The following ELFN2 variants were observed in gnomAD, a reference collection of about 807,000 sequenced individuals.
ELFN2 encodes the protein protein phosphatase 1 regulatory subunit 29.
Under a neutral mutation model 45.5 loss-of-function variants are expected in ELFN2, and 17 were observed. That is an observed-to-expected ratio of 0.37 (90% CI 0.26 to 0.56). ELFN2 has a LOEUF of 0.56. Among genes scored for constraint, ELFN2 ranks in the 20% least tolerant of loss-of-function variants. The pLI, the probability that ELFN2 is intolerant of heterozygous loss-of-function variation, is 0.77. For missense variants in ELFN2, 922 were observed against 1,183.2 expected (o/e 0.78, Z 3.24); for synonymous variants, 550 against 551.5 (o/e 1.00, Z 0.04).
At chr22:37,342,790 G>C (rs924632507) in intron 1 of ELFN2, 1 of 151,076 alleles carries the variant, frequency 6.6e-6, no homozygotes, top group Non-Finnish European at 1.5e-5. Context: ...GGGGAGCAAG[G>C]TGTGGGTGGG....
chr22:37,384,394 G>A (rs1275866514), intron 2 of ELFN2, among the ~76,000 whole-genome samples: 2 of 148,876 alleles, frequency 1.3e-5, no homozygotes, highest in Admixed American at 6.8e-5. Context: ...AATCCTCCAA[G>A]CTACTCAGGA....
At chr22:37,364,337 A>AG (rs1931155016), downstream of ELFN2, among the ~76,000 whole-genome samples, 1 of 152,146 alleles carries the variant, frequency 6.6e-6, no homozygotes, top group African/African-American at 2.4e-5. Context: ...CTCAGGGATG[A>AG]GGGGCTCCGG....
At chr22:37,365,052 A>C (rs1931173200), downstream of ELFN2, among the ~76,000 whole-genome samples, 1 of 152,208 alleles carries the variant, frequency 6.6e-6, no homozygotes, top group Non-Finnish European at 1.5e-5. Context: ...CTGAGCCCAG[A>C]GGAGAGAACC....
chr22:37,341,903 G>A (rs537954674), intron 2 of ELFN2, among the ~76,000 whole-genome samples: 2 of 152,238 alleles, frequency 1.3e-5, no homozygotes, highest in African/African-American at 4.8e-5. Context: ...CAGGCAGGTC[G>A]CTACCAGGAT....
At chr22:37,401,241 G>A (rs1158263964) in intron 2 of ELFN2, among the ~76,000 whole-genome samples, 2 of 152,256 alleles carry the variant, frequency 1.3e-5, no homozygotes, top group Non-Finnish European at 1.5e-5. Flanking sequence ...CAACCAGCCA[G>A]TGTCATCTCA....
chr22:37,375,167 A>G lies in ELFN2; in HGVS notation c.368T>C (p.Leu123Pro). The stretch of plus-strand genomic sequence containing the variant: ...GAACTGCAGGCGGCTCATGCCTCGC[A>G]GCATGCCCTCCGTCAGGTTGCTGAG... ...NKLSNLTEGMLRGMSRLQFLF... is the reference protein window; with the variant it reads ...NKLSNLTEGMPRGMSRLQFLF... Residue 123 changes from leucine (L) to proline (P), a missense_variant, in exon 3 of 3, where the codon CTG becomes CCG. This residue lies in a region of ELFN2 where 358 missense variants were observed against 540.4 expected (regional missense o/e 0.66). Coordinates refer to ENST00000402918, the MANE Select transcript of ELFN2 (RefSeq NM_052906.5). 1 of 1,614,038 alleles carries G rather than the reference A, an allele frequency of 6.2e-7. No individual in the cohort carries two copies. The highest frequency in any genetic ancestry group is 1.1e-5 in the South Asian group (1 of 91,078).
Position 37,373,457 on chromosome 22 carries a change from C to T in ELFN2, c.2078G>A (p.Gly693Asp), listed in dbSNP as rs888099326. The change falls in exon 3 of 3, where the codon GGC becomes GAC. Residue 693 changes from glycine (G) to aspartate (D), a missense_variant. By Grantham distance (94) the Gly-to-Asp change is moderately conservative (BLOSUM62 -1). Transcript: ENST00000402918. ...GSGGGSGGGGGIHHLEVKPAY... is the reference protein window; with the variant it reads ...GSGGGSGGGGDIHHLEVKPAY... ...CGGCTTCACCTCCAGGTGGTGGATG[C>T]CCCCGCCCCCGCCGCTGCCCCCGCC... The T allele has an allele frequency of 1.3e-6, 2 of 1,527,070 alleles. No homozygotes were observed. Among genetic ancestry groups the T allele is most frequent in the Non-Finnish European group, 1.8e-6 (2 of 1,139,580 alleles). The allele number at this position is 1,527,070 out of a possible 1,614,324, so 94.6% of individuals were successfully genotyped here. A position where few individuals can be genotyped will look rare whatever the true frequency, so the allele number is the denominator to read the frequency against.
intron 2 of ELFN2, among the ~76,000 whole-genome samples, chr22:37,409,511 G>A (rs1210330287): frequency 6.6e-6 from 1 of 152,196 alleles, no homozygotes; most frequent in Non-Finnish European, 1.5e-5. Flanking sequence ...CAGCCAGAAT[G>A]GGCTCCTGCC....
chr22:37,377,029 A>G (rs933431943), intron 2 of ELFN2, among the ~76,000 whole-genome samples: 1 of 152,230 alleles, frequency 6.6e-6, no homozygotes, highest in South Asian at 2.1e-4. Context: ...TAGCTAGGTA[A>G]ACCACAACAT....
Position 37,373,468 on chromosome 22 carries a change from G to A in ELFN2, c.2067C>T (p.Gly689=), listed in dbSNP as rs544858839. The change falls in exon 3 of 3, where the codon GGC becomes GGT. Residue 689 remains glycine (G), a synonymous_variant. Coordinates refer to ENST00000402918, the MANE Select transcript of ELFN2 (RefSeq NM_052906.5). The part of the protein sequence containing the change: ...LVPAGSGGGS[G]GGGGIHHLEV... ...CCAGGTGGTGGATGCCCCCGCCCCC[G>A]CCGCTGCCCCCGCCGCTGCCCGCCG... is the stretch of plus-strand genomic sequence containing the variant. The A allele has an allele frequency of 3.8e-4, 576 of 1,532,850 alleles. No homozygotes were observed. Among genetic ancestry groups the A allele is most frequent in the Non-Finnish European group, 4.9e-4 (554 of 1,142,140 alleles). 95.0% of individuals were successfully genotyped at this position (1,532,850 alleles called of 1,614,324 possible). A position where few individuals can be genotyped will look rare whatever the true frequency, so the allele number is the denominator to read the frequency against.
rs1442462108 is a variant in ELFN2 at position 37,374,563 on chromosome 22, G to T, written c.972C>A (p.Ile324=). 4.3e-6 allele frequency: 7 copies of T among 1,614,250 alleles called. No homozygotes were observed. The highest frequency in any genetic ancestry group is 1.3e-5 in the African/African-American group (1 of 75,068). ...IIPHPYSKMY[I]LVQYNNSYFS... is the part of the protein sequence containing the mutation. ...AGTAGCTGTTGTTGTACTGCACGAG[G>T]ATGTACATCTTGCTGTAGGGGTGTG... Residue 324 remains isoleucine, a synonymous_variant, in exon 3 of 3, where the codon ATC becomes ATA. Transcript: ENST00000402918.
intron 2 of ELFN2, among the ~76,000 whole-genome samples, chr22:37,383,173 C>T (rs528658736): frequency 6.6e-6 from 1 of 152,264 alleles, no homozygotes; most frequent in African/African-American, 2.4e-5. Flanking sequence ...GCACCAGTGC[C>T]GATGCGTTCA....
rs148946952 is a variant in ELFN2, at chr22:37,373,622, T to C, written c.1913A>G (p.Lys638Arg). ...TCSVSSSGSIKSAKVFSLDVP... is the reference protein window; with the variant it reads ...TCSVSSSGSIRSAKVFSLDVP... Reference sequence around the variant, plus strand: ...GTCCAGGCTAAAGACCTTGGCGCTCTTGATGGAACCACTGGACGACACGCT... The same window carrying C: ...GTCCAGGCTAAAGACCTTGGCGCTCCTGATGGAACCACTGGACGACACGCT... The change falls in exon 3 of 3, where the codon AAG becomes AGG. Residue 638 changes from lysine to arginine, a missense_variant. By Grantham distance (26) the Lys-to-Arg change is conservative (BLOSUM62 2). This residue lies in a region of ELFN2 where 564 missense variants were observed against 642.8 expected (regional missense o/e 0.88). Transcript: ENST00000402918. 6.0e-5 allele frequency: 96 copies of C among 1,601,834 alleles called. No homozygotes were observed. The African/African-American group carries it at 1.2e-3, about 19-fold the overall frequency.
At chr22:37,378,258 G>A (rs542920900) in intron 2 of ELFN2, among the ~76,000 whole-genome samples, 2 of 152,336 alleles carry the variant, frequency 1.3e-5, no homozygotes, top group Admixed American at 1.3e-4. Flanking sequence ...GAGAATGCAA[G>A]CACCCATCTA....
intron 1 of ELFN2, among the ~76,000 whole-genome samples, chr22:37,348,397 C>T (rs772905069): frequency 1.5e-5 from 2 of 137,460 alleles, no homozygotes; most frequent in Non-Finnish European, 1.7e-5. Context: ...AGAAACAACC[C>T]TGTGTTAGGG....
chr22:37,402,997 G>C (rs1288862644), intron 2 of ELFN2, among the ~76,000 whole-genome samples: 2 of 152,104 alleles, frequency 1.3e-5, no homozygotes, highest in Admixed American at 6.5e-5. Context: ...CCGGGCCAGA[G>C]ACCATGCCTC....
At chr22:37,343,836 C>T (rs1930622938) in intron 1 of ELFN2, among the ~76,000 whole-genome samples, 1 of 152,036 alleles carries the variant, frequency 6.6e-6, no homozygotes, top group Non-Finnish European at 1.5e-5. Flanking sequence ...CTCCAGCTCT[C>T]CCAACCCTCC....
intron 2 of ELFN2, among the ~76,000 whole-genome samples, chr22:37,400,651 C>A (rs1932338948): frequency 6.6e-6 from 1 of 152,198 alleles, no homozygotes; most frequent in African/African-American, 2.4e-5. Flanking sequence ...CTGCTGGGAG[C>A]AGCCCCTGAG....
intron 2 of ELFN2, among the ~76,000 whole-genome samples, chr22:37,416,805 C>T (rs770564896): frequency 3.3e-5 from 5 of 152,086 alleles, no homozygotes; most frequent in Admixed American, 2.0e-4. Flanking sequence ...TCCTCCGGGG[C>T]GCACCCACCA....
Sources: allele counts gnomAD v4.1 joint callset (sites outside exome capture counted in the v4.1 genomes callset), GRCh38; gene constraint gnomAD v4.1.1; regional missense constraint gnomAD v4.1.1; transcripts MANE v1.5; gene names NCBI Gene and HGNC (gene_info 2026-07-23, HGNC 2026-07-21).